CD5: variants seen among roughly 807,000 people sequenced by gnomAD.
CD5 encodes CD5 molecule, also known as T-cell surface glycoprotein CD5.
CD5 carries 36 observed loss-of-function variants against 60.3 expected under a neutral mutation model. That is an observed-to-expected ratio of 0.60 (90% CI 0.46 to 0.79). The LOEUF (loss-of-function observed/expected upper bound fraction) is 0.79. Among genes scored for constraint, CD5 ranks in the 30% least tolerant of loss-of-function variants. The pLI, the probability that CD5 is intolerant of heterozygous loss-of-function variation, is 0.00. For missense variants in CD5, 540 were observed against 630.6 expected, an observed-to-expected ratio of 0.86 and a Z score of 1.54; for synonymous variants, 230 against 257.6, an observed-to-expected ratio of 0.89 and a Z score of 1.03.
Position 61,121,893 on chromosome 11 carries a change from T to G in CD5, c.1088T>G (p.Val363Gly), listed in dbSNP as rs138971764. The change falls in exon 6 of 11, where the codon GTG (valine) becomes GGG (glycine). Residue 363 changes from valine to glycine, a missense_variant. Val to Gly is a moderately radical substitution (Grantham distance 109, BLOSUM62 -3). Transcript: ENST00000347785. ...LWERNSYCKKVFVTCQDPNPA... is the reference protein window; with the variant it reads ...LWERNSYCKKGFVTCQDPNPA... ...GAGAGAAATTCCTACTGCAAGAAGG[T>G]GTTTGTCACATGTGAGTTGGCCACA... The G allele has an allele frequency of 6.7e-4, 1,028 of 1,542,006 alleles. No individual in the cohort carries two copies. The highest frequency in any genetic ancestry group is 6.5e-4 in the Non-Finnish European group (740 of 1,136,236).
At chr11:61,116,434 A>C (rs1860947079) in intron 2 of CD5, among the ~76,000 whole-genome samples, 1 of 133,996 alleles carries the variant, frequency 7.5e-6, no homozygotes, top group African/African-American at 2.9e-5. Flanking sequence ...CAACCACACC[A>C]CACACACACA....
At chr11:61,095,592 G>C in the CD5 span, among the ~76,000 whole-genome samples, 1 of 152,086 alleles carries the variant, frequency 6.6e-6, no homozygotes, top group African/African-American at 2.4e-5. Context: ...AGAGAAGCAC[G>C]TCCCAGCCAA....
intron 2 of CD5, among the ~76,000 whole-genome samples, chr11:61,116,699 C>CA (rs1860965511): frequency 1.8e-5 from 1 of 56,412 alleles, no homozygotes; most frequent in Non-Finnish European, 3.6e-5. Flanking sequence ...CACATACACA[C>CA]CACACACACC....
intron 5 of CD5, among the ~76,000 whole-genome samples, chr11:61,120,621 G>A (rs1004008692): frequency 3.9e-5 from 6 of 152,068 alleles, no homozygotes; most frequent in African/African-American, 1.2e-4. Flanking sequence ...TGGACCTTCC[G>A]AATCAGAATC....
At chr11:61,106,208 A>G (rs1410475427) in intron 1 of CD5, among the ~76,000 whole-genome samples, 2 of 151,786 alleles carry the variant, frequency 1.3e-5, no homozygotes, top group Non-Finnish European at 2.9e-5. Context: ...CAAGTTCCTC[A>G]GGCACAATAC....
upstream of CD5, among the ~76,000 whole-genome samples, chr11:61,098,963 C>A (rs1372797040): frequency 6.6e-6 from 1 of 152,156 alleles, no homozygotes; most frequent in Non-Finnish European, 1.5e-5. Context: ...TTCCTACCTG[C>A]CTGGGGTGGC....
At chr11:61,100,464 C>T (rs1860653782), upstream of CD5, among the ~76,000 whole-genome samples, 1 of 145,292 alleles carries the variant, frequency 6.9e-6, no homozygotes, top group Admixed American at 7.0e-5. Flanking sequence ...ATTACACACA[C>T]ACATCAACAT....
chr11:61,104,861 GC>G (rs1234962570), intron 1 of CD5, among the ~76,000 whole-genome samples: 2 of 152,246 alleles, frequency 1.3e-5, no homozygotes, highest in African/African-American at 4.8e-5. Flanking sequence ...GCTGACCCCA[GC>G]CCAGCATTCC....
At chr11:61,101,261 G>A (rs1860678933), upstream of CD5, among the ~76,000 whole-genome samples, 1 of 107,042 alleles carries the variant, frequency 9.3e-6, no homozygotes, top group African/African-American at 3.4e-5. Flanking sequence ...TCAACATGGA[G>A]ATCACAAACA....
the CD5 span, among the ~76,000 whole-genome samples, chr11:61,096,712 G>A: frequency 0.21 from 31,425 of 152,124 alleles, 3,460 homozygotes; most frequent in Non-Finnish European, 0.23. Flanking sequence ...ACGGTCCCCC[G>A]GGAAGAAGAA....
chr11:61,119,211 C>CCCG, intron 4 of CD5, 23 bp from the exon 5 acceptor site: 1 of 1,551,448 alleles, frequency 6.4e-7, no homozygotes, highest in Middle Eastern at 1.8e-4. Flanking sequence ...GGTGGCTCCC[C>CCCG]CTCCTGCTCT....
chr11:61,123,808 C>A (rs1861104384), intron 7 of CD5, 76 bp from the exon 8 acceptor site: 3 of 613,418 alleles, frequency 4.9e-6, no homozygotes, highest in Admixed American at 2.7e-5. Context: ...CAGGCCCAGC[C>A]CCATCCCCAC....
intron 2 of CD5, among the ~76,000 whole-genome samples, chr11:61,116,572 CCA>C (rs1351692044): frequency 4.5e-4 from 32 of 71,100 alleles, no homozygotes; most frequent in African/African-American, 1.5e-3. Flanking sequence ...CACACACACA[CCA>C]CACACACCAC....
chr11:61,104,569 A>C (rs891483207), intron 1 of CD5, among the ~76,000 whole-genome samples: 2 of 152,206 alleles, frequency 1.3e-5, no homozygotes, highest in East Asian at 3.9e-4. Context: ...CACAGGCCAC[A>C]GTCAGGAAGA....
rs907294628 is a variant in CD5, at chr11:61,126,436, G to C, written c.*151G>C. 6.6e-6 allele frequency: 1 copy of C among 152,368 alleles called. No homozygotes were observed. The highest frequency in any genetic ancestry group is 1.5e-5 in the Non-Finnish European group (1 of 68,062). 9.4% of individuals were successfully genotyped at this position (152,368 alleles called of 1,614,324 possible). A position where few individuals can be genotyped will look rare whatever the true frequency, so the allele number is the denominator to read the frequency against. ...CCTTCCGGACAGGCGCTGCTGCCCC[G>C]AGTGGCAGGCCAGCTCACACTCTGC... On this transcript the variant is annotated 3_prime_UTR_variant, in exon 11 of 11. Coordinates refer to ENST00000347785, the MANE Select transcript of CD5 (RefSeq NM_014207.4).
At position 61,119,222 on chromosome 11, in the gene CD5, C is replaced by A; in HGVS notation, c.464-12C>A. 7.0e-6 allele frequency: 11 copies of A among 1,576,708 alleles called. No homozygotes were observed. The highest frequency in any genetic ancestry group is 1.2e-5 in the South Asian group (1 of 85,124). ...TCAGGGTGGCTCCCCCTCCTGCTCT[C>A]TCCTCTCCTAGCTCCTCCCAGGCTG... is the stretch of plus-strand genomic sequence containing the variant. On this transcript the variant is annotated splice_polypyrimidine_tract_variant and intron_variant, in intron 4 of 10. Transcript: ENST00000347785.
At chr11:61,095,068 G>A in the CD5 span, among the ~76,000 whole-genome samples, 1 of 152,142 alleles carries the variant, frequency 6.6e-6, no homozygotes, top group African/African-American at 2.4e-5. Flanking sequence ...CACCCGCCGA[G>A]GGAAGTCAGC....
At chr11:61,116,293 C>G (rs747850057) in intron 2 of CD5, among the ~76,000 whole-genome samples, 2 of 152,044 alleles carry the variant, frequency 1.3e-5, no homozygotes, top group South Asian at 4.1e-4. Context: ...CCAGTCGCCC[C>G]CGACGTCGAC....
At chr11:61,114,022 G>A (rs1042488388) in intron 1 of CD5, among the ~76,000 whole-genome samples, 1 of 151,956 alleles carries the variant, frequency 6.6e-6, no homozygotes, top group Non-Finnish European at 1.5e-5. Flanking sequence ...AAACTTTTTT[G>A]AGTGGAAACA....
Sources: allele counts gnomAD v4.1 joint callset (sites outside exome capture counted in the v4.1 genomes callset), GRCh38; gene constraint gnomAD v4.1.1; transcripts MANE v1.5; gene names NCBI Gene and HGNC (gene_info 2026-07-23, HGNC 2026-07-21).